The following GALNT15 variants were observed in gnomAD, a reference collection of about 807,000 sequenced individuals.
GALNT15 encodes UDP-GalNAc transferase T15.
In GALNT15, 67 loss-of-function variants were observed where a neutral mutation model predicts 66.8. The observed-to-expected ratio is 1.00, with a 90% CI of 0.82 to 1.23. The LOEUF (loss-of-function observed/expected upper bound fraction) is 1.23. GALNT15 is among the 50% of genes most tolerant of loss of function. GALNT15 has a pLI of 0.00. For synonymous variants in GALNT15, 313 were observed against 311.5 expected (o/e 1.00, Z -0.05); for missense variants, 827 against 804.3 (o/e 1.03, Z -0.34).
chr3:16,220,631 T>G (rs559550470), intron 8 of GALNT15, among the ~76,000 whole-genome samples: 2 of 152,348 alleles, frequency 1.3e-5, no homozygotes, highest in African/African-American at 4.8e-5. Flanking sequence ...AGTCTCTCTC[T>G]TTTCAGGGTG....
At chr3:16,220,151 C>T in intron 8 of GALNT15, 137 bp downstream of exon 8, 1 of 697,416 alleles carries the variant, frequency 1.4e-6, no homozygotes, top group African/African-American at 1.7e-5. Context: ...GCCATGGTCC[C>T]CCACTGTAAT....
intron 3 of GALNT15, among the ~76,000 whole-genome samples, chr3:16,202,360 C>T (rs1201722192): frequency 5.3e-5 from 8 of 152,160 alleles, no homozygotes; most frequent in Non-Finnish European, 1.0e-4. Context: ...TGGCCAGGCA[C>T]GGTGGCTCAT....
chr3:16,192,901 G>C (rs1008269895), intron 1 of GALNT15, among the ~76,000 whole-genome samples: 1 of 152,150 alleles, frequency 6.6e-6, no homozygotes, highest in Non-Finnish European at 1.5e-5. Context: ...AAAGTCCATA[G>C]GAATTTATCT....
chr3:16,240,795 A>C, the GALNT15 span, among the ~76,000 whole-genome samples: 7 of 152,108 alleles, frequency 4.6e-5, no homozygotes, highest in Non-Finnish European at 1.0e-4. Flanking sequence ...AATCTCTTCT[A>C]TGACTCCGCA....
chr3:16,175,692 T>C lies in GALNT15; in HGVS notation c.539+2T>C. 6.4e-7 allele frequency: 1 copy of C among 1,565,534 alleles called. No individual in the cohort carries two copies. The highest frequency in any genetic ancestry group is 8.7e-7 in the Non-Finnish European group (1 of 1,156,044). On this transcript the variant is annotated splice_donor_variant, in intron 1 of 9. Coordinates refer to ENST00000339732, the MANE Select transcript of GALNT15 (RefSeq NM_054110.5). LOFTEE classifies it high-confidence loss of function. This position sits in a 1 kb window ranked among gnomAD's most constrained non-coding sequence, Gnocchi z 5.6. ...TCTGCCCGAGGTGCGGCACCCACTG[T>C]AAGTAAGGCCCTTGTTTTCCCTTCC...
In GALNT15 at chr3:16,228,956, T is replaced by TA; in HGVS notation, c.*1457dup. ...GTAAGAGCTAAATGACTTTCCTTGC[T>TA]ATGACTTGGCTTACCTGAATTAGCT... On this transcript the variant is annotated 3_prime_UTR_variant, in exon 10 of 10. Coordinates refer to ENST00000339732, the MANE Select transcript of GALNT15 (RefSeq NM_054110.5). The TA allele has an allele frequency of 3.0e-6, 3 of 985,456 alleles. No homozygotes were observed. The highest frequency in any genetic ancestry group is 3.6e-6 in the Non-Finnish European group (3 of 829,940). 61.0% of individuals were successfully genotyped at this position (985,456 alleles called of 1,614,324 possible).
chr3:16,209,333 CA>C lies in GALNT15; in HGVS notation c.1079+664del, dbSNP rs528133940. On this transcript the variant is annotated intron_variant, in intron 4 of 9. Coordinates refer to ENST00000339732, the MANE Select transcript of GALNT15 (RefSeq NM_054110.5). This position sits in a 1 kb window ranked among gnomAD's most constrained non-coding sequence, Gnocchi z 4.1. ...GTCTGCCCCCATGGTTTCTGGGGTA[CA>C]TAAGGATTTTTAAAGTTTCCCAACA... Among the ~76,000 whole-genome samples the C allele has an allele frequency of 4.6e-5, 7 of 152,208 alleles. No homozygotes were observed. In the East Asian group the frequency reaches 1.3e-3, roughly 29 times the overall value.
the GALNT15 span, among the ~76,000 whole-genome samples, chr3:16,245,470 A>G: frequency 6.6e-6 from 1 of 152,274 alleles, no homozygotes; most frequent in South Asian, 2.1e-4. Flanking sequence ...ACCTGTGGGA[A>G]TCCTGCCACA....
the GALNT15 span, among the ~76,000 whole-genome samples, chr3:16,243,247 G>A: frequency 1.5e-4 from 23 of 152,338 alleles, no homozygotes; most frequent in Middle Eastern, 3.4e-3. Context: ...CCTGGATGTC[G>A]TGCAAGATGA....
At chr3:16,206,131 C>T (rs2063753955) in intron 3 of GALNT15, among the ~76,000 whole-genome samples, 1 of 152,296 alleles carries the variant, frequency 6.6e-6, no homozygotes, top group South Asian at 2.1e-4. Context: ...AATCTCAGCA[C>T]TTTGGGAGGC....
In GALNT15 at chr3:16,221,559, AC is replaced by A. The variant is rs557520929; in HGVS notation, c.1630-1055del. 4.5e-3 allele frequency among the ~76,000 whole-genome samples: 690 copies of A among 152,280 alleles called. 8 individuals carry two copies. The highest frequency in any genetic ancestry group is 0.016 in the African/African-American group (667 of 41,556). ...GTTGGCTGCATGCAAGGGATAAGTG[AC>A]GAGAGCCCACCTTCAGCCCATGAGA... is the stretch of plus-strand genomic sequence containing the variant. On this transcript the variant is annotated intron_variant, in intron 8 of 9. Transcript: ENST00000339732.
In GALNT15 at chr3:16,219,671, C is replaced by A; in HGVS notation, c.1524+137C>A. On this transcript the variant is annotated intron_variant, in intron 7 of 9. Coordinates refer to ENST00000339732, the MANE Select transcript of GALNT15 (RefSeq NM_054110.5). This position sits in a 1 kb window ranked among gnomAD's most constrained non-coding sequence, Gnocchi z 4.3. The stretch of plus-strand genomic sequence containing the variant: ...TCAGAGGCCTTGGGTCCATCCCGTG[C>A]CTCCATGCCAGTCTGAGGAAGGTGG... 8.0e-7 allele frequency: 1 copy of A among 1,250,126 alleles called. No individual in the cohort carries two copies. The highest frequency in any genetic ancestry group is 1.4e-5 in the South Asian group (1 of 71,008). The allele number at this position is 1,250,126 out of a possible 1,614,324, so 77.4% of individuals were successfully genotyped here.
At chr3:16,212,372 T>C (rs1360384389) in intron 5 of GALNT15, among the ~76,000 whole-genome samples, 197 bp from the exon 6 acceptor site, 2 of 152,082 alleles carry the variant, frequency 1.3e-5, no homozygotes, top group African/African-American at 4.8e-5. Context: ...ACCTCTATTC[T>C]CTCCACCCTG....
In GALNT15 at chr3:16,203,584, CACACAG is replaced by C. The variant is rs879586400; in HGVS notation, c.911+2762_911+2767del. Among the ~76,000 whole-genome samples the C allele has an allele frequency of 0.24, 27,492 of 112,316 alleles. 3,172 individuals carry two copies. The highest frequency in any genetic ancestry group is 0.31 in the East Asian group (839 of 2,716). The allele number at this position is 112,316 out of a possible 152,430, so 73.7% of individuals were successfully genotyped here. ...ACACACACACACACACACACACACA[CACACAG>C]TGGGCCTCTGATCCTGGTGTGTTAC... is the stretch of plus-strand genomic sequence containing the variant. On this transcript the variant is annotated intron_variant, in intron 3 of 9. Transcript: ENST00000339732. The surrounding 1 kb of genome is among the most constrained non-coding windows in gnomAD (Gnocchi z 6.2).
At chr3:16,232,063 G>A (rs2064087320), downstream of GALNT15, 12 of 1,047,654 alleles carry the variant, frequency 1.1e-5, no homozygotes, top group Non-Finnish European at 1.6e-5. Context: ...GGTGAAAGGT[G>A]AGCACCTCAT....
At chr3:16,201,182 CTTTTTCT>C (rs2063697336) in intron 3 of GALNT15, among the ~76,000 whole-genome samples, 1 of 150,338 alleles carries the variant, frequency 6.7e-6, no homozygotes, top group Non-Finnish European at 1.5e-5. Flanking sequence ...TTTTCTTTTT[CTTTTTCT>C]TTTTCTTTTT....
Position 16,229,845 on chromosome 3 carries a change from A to C in GALNT15, c.*2345A>C. On this transcript the variant is annotated 3_prime_UTR_variant, in exon 10 of 10. Coordinates refer to ENST00000339732, the MANE Select transcript of GALNT15 (RefSeq NM_054110.5). ...TATGGTGTTTCTTGCTTCCTTAACC[A>C]GCTCCATGATTTATTACTTTATTGC... 1.6e-6 allele frequency: 1 copy of C among 618,822 alleles called. No homozygotes were observed. The highest frequency in any genetic ancestry group is 2.0e-6 in the Non-Finnish European group (1 of 495,056). 38.3% of individuals were successfully genotyped at this position (618,822 alleles called of 1,614,324 possible). A position where few individuals can be genotyped will look rare whatever the true frequency, so the allele number is the denominator to read the frequency against.
At chr3:16,213,600 TG>T (rs2063841704) in intron 6 of GALNT15, among the ~76,000 whole-genome samples, 1 of 152,174 alleles carries the variant, frequency 6.6e-6, no homozygotes, top group African/African-American at 2.4e-5. Flanking sequence ...TGCTGTTTAA[TG>T]TGGGAAATGG....
intron 6 of GALNT15, 46 bp downstream of exon 6, chr3:16,212,809 C>T (rs771758861): frequency 6.5e-6 from 10 of 1,546,184 alleles, no homozygotes; most frequent in Non-Finnish European, 3.5e-6. Context: ...CACAGGGCCA[C>T]TAGCAGGAGG....
Sources: allele counts gnomAD v4.1 joint callset (sites outside exome capture counted in the v4.1 genomes callset), GRCh38; gene constraint gnomAD v4.1.1; non-coding constraint Gnocchi (gnomAD v3.1); transcripts MANE v1.5; gene names NCBI Gene and HGNC (gene_info 2026-07-23, HGNC 2026-07-21).